Variants in ERG observed in about 807,000 individuals in gnomAD.
ERG encodes the protein ETS transcription factor ERG.
A neutral mutation model predicts 55.3 loss-of-function variants in ERG; 9 were observed. That is an observed-to-expected ratio of 0.16 (90% CI 0.10 to 0.28). ERG has a LOEUF of 0.28. ERG is among the 10% of genes least tolerant of loss of function. ERG has a pLI of 1.00. For synonymous variants in ERG, 223 were observed against 237.3 expected (o/e 0.94, Z 0.55); for missense variants, 434 against 631.6 (o/e 0.69, Z 3.35).
chr21:38,509,998 C>T (rs1441390569), intron 2 of ERG, among the ~76,000 whole-genome samples: 1 of 152,118 alleles, frequency 6.6e-6, no homozygotes. Context: ...CAATGGTGGG[C>T]CTGGCTGATC....
intron 2 of ERG, among the ~76,000 whole-genome samples, chr21:38,505,220 A>G (rs2059451158): frequency 6.6e-6 from 1 of 152,196 alleles, no homozygotes; most frequent in African/African-American, 2.4e-5. Flanking sequence ...TGCGGATGCA[A>G]TGAAGCCCTA....
At chr21:38,392,000 TA>T (rs1326074748) in intron 7 of ERG, among the ~76,000 whole-genome samples, 1 of 149,414 alleles carries the variant, frequency 6.7e-6, no homozygotes, top group African/African-American at 2.5e-5. Context: ...CAGATTACAA[TA>T]AATCATAGTC....
chr21:38,374,310 G>A, the ERG span, among the ~76,000 whole-genome samples: 19 of 152,218 alleles, frequency 1.2e-4, no homozygotes, highest in African/African-American at 4.6e-4. Flanking sequence ...ACTCCCTGGA[G>A]AGTACTGTAA....
At chr21:38,376,575 C>T (rs1432960561), downstream of ERG, among the ~76,000 whole-genome samples, 3 of 152,264 alleles carry the variant, frequency 2.0e-5, no homozygotes, top group Non-Finnish European at 4.4e-5. Flanking sequence ...TTTTCATCCA[C>T]CTGACTCCCG....
At chr21:38,606,106 A>AAGATAGGT (rs897604823) in intron 1 of ERG, among the ~76,000 whole-genome samples, 1 of 152,150 alleles carries the variant, frequency 6.6e-6, no homozygotes, top group Non-Finnish European at 1.5e-5. Context: ...TGATTGATAG[A>AAGATAGGT]AGATAGGTAG....
chr21:38,563,213 G>C (rs1388090646), intron 2 of ERG, among the ~76,000 whole-genome samples: 1 of 152,204 alleles, frequency 6.6e-6, no homozygotes, highest in Non-Finnish European at 1.5e-5. Flanking sequence ...GTCATCACCT[G>C]TTTGTCCAAA....
chr21:38,645,864 C>T (rs1426486950), intron 1 of ERG, among the ~76,000 whole-genome samples: 2 of 152,138 alleles, frequency 1.3e-5, no homozygotes, highest in African/African-American at 4.8e-5. Flanking sequence ...ATGCAGGTAC[C>T]ACTCTGATCT....
Position 38,650,650 on chromosome 21 carries a change from TA to T in ERG, c.-150+11007del, listed in dbSNP as rs370153982. ...AGACTCTGTCTCAAGAAATAAAAAT[TA>T]AAAAAAAAAGAGTGGCATAGTTAAA... is the stretch of plus-strand genomic sequence containing the variant. On this transcript the variant is annotated intron_variant, in intron 1 of 10. Coordinates refer to the ERG transcript ENST00000398910. Among the ~76,000 whole-genome samples, 57 of 148,000 alleles carry T rather than the reference TA, an allele frequency of 3.9e-4. 1 individual carries two copies. The South Asian group carries it at 6.2e-3, about 16-fold the overall frequency.
intron 2 of ERG, among the ~76,000 whole-genome samples, chr21:38,530,726 T>C (rs562774557): frequency 1.3e-5 from 2 of 152,326 alleles, no homozygotes; most frequent in African/African-American, 2.4e-5. Context: ...TTGTGCTACA[T>C]AGTGAATTTG....
intron 6 of ERG, among the ~76,000 whole-genome samples, chr21:38,399,087 T>G (rs1332990391): frequency 6.6e-6 from 1 of 152,182 alleles, no homozygotes; most frequent in African/African-American, 2.4e-5. Context: ...GTGGTGGATG[T>G]CTTTAGGACC....
intron 3 of ERG, among the ~76,000 whole-genome samples, chr21:38,415,195 A>G (rs933376503): frequency 6.6e-6 from 1 of 152,204 alleles, no homozygotes; most frequent in Admixed American, 6.5e-5. Context: ...TGGCTGTGAC[A>G]TATTTGGCAA....
At chr21:38,568,317 GA>G (rs2059936019) in intron 2 of ERG, among the ~76,000 whole-genome samples, 1 of 152,172 alleles carries the variant, frequency 6.6e-6, no homozygotes, top group East Asian at 1.9e-4. Flanking sequence ...AATGTGATGT[GA>G]TAATAAGTCT....
the ERG span, among the ~76,000 whole-genome samples, chr21:38,370,646 T>C: frequency 6.6e-6 from 1 of 152,048 alleles, no homozygotes; most frequent in South Asian, 2.1e-4. Flanking sequence ...ATTATAAAGA[T>C]TTCTAGTTGT....
In ERG at chr21:38,513,277, TAAC is replaced by T. The variant is rs1324895706; in HGVS notation, c.-41+62382_-41+62384del. The stretch of plus-strand genomic sequence containing the variant: ...TTTATTAAATACACTGTTAGTAAGA[TAAC>T]AAGTGAAACTTGTTAAAAAAAAAGA... On this transcript the variant is annotated intron_variant, in intron 2 of 8. Coordinates refer to the ERG transcript ENST00000398897. Among the ~76,000 whole-genome samples, 8 of 152,060 alleles carry T rather than the reference TAAC, an allele frequency of 5.3e-5. No individual in the cohort carries two copies. The South Asian group carries it at 1.7e-3, about 32-fold the overall frequency.
At chr21:38,661,089 C>G (rs1475518857) in intron 1 of ERG, among the ~76,000 whole-genome samples, 1 of 151,262 alleles carries the variant, frequency 6.6e-6, no homozygotes, top group Non-Finnish European at 1.5e-5. Flanking sequence ...GAGAGTCCGG[C>G]CCCAGCAGGA....
intron 1 of ERG, among the ~76,000 whole-genome samples, chr21:38,595,109 G>A (rs933239916): frequency 7.9e-5 from 12 of 151,848 alleles, no homozygotes; most frequent in African/African-American, 2.9e-4. Context: ...GATCTCAAAG[G>A]GCCAAGACGT....
intron 1 of ERG, among the ~76,000 whole-genome samples, chr21:38,483,495 G>A (rs553024774): frequency 6.6e-6 from 1 of 152,290 alleles, no homozygotes; most frequent in South Asian, 2.1e-4. Flanking sequence ...GTTAATATAA[G>A]TGGTATATAA....
chr21:38,658,841 G>A (rs1410148575), intron 1 of ERG, among the ~76,000 whole-genome samples: 1 of 152,176 alleles, frequency 6.6e-6, no homozygotes, highest in East Asian at 1.9e-4. Flanking sequence ...GCAAAACGTG[G>A]AACGTGGAGG....
chr21:38,406,205 G>A (rs537526063), intron 3 of ERG, among the ~76,000 whole-genome samples: 2 of 147,426 alleles, frequency 1.4e-5, no homozygotes, highest in East Asian at 4.0e-4. Context: ...GAAAACTAAA[G>A]GGAACTCTGG....
Sources: gnomAD v4.1 joint callset for allele counts (sites outside exome capture counted in the v4.1 genomes callset) on GRCh38, gnomAD v4.1.1 for gene constraint, MANE v1.5 for transcripts, NCBI Gene and HGNC (gene_info 2026-07-23, HGNC 2026-07-21) for gene names.